SEMA6D: variants seen among roughly 807,000 people sequenced by gnomAD.
SEMA6D encodes the protein semaphorin-6D.
A neutral mutation model predicts 106.6 loss-of-function variants in SEMA6D; 35 were observed. The ratio of observed to expected loss-of-function variants is 0.33; its 90% CI spans 0.25 to 0.44. SEMA6D has a LOEUF of 0.44. SEMA6D is among the 20% of genes least tolerant of loss of function. The pLI, the probability that SEMA6D is intolerant of heterozygous loss-of-function variation, is 1.00. For synonymous variants in SEMA6D, 499 were observed against 487.7 expected (o/e 1.02, Z -0.31); for missense variants, 1,185 against 1,345.9 (o/e 0.88, Z 1.87).
chr15:47,541,790 C>T (rs968357360), intron 3 of SEMA6D, among the ~76,000 whole-genome samples: 3 of 152,100 alleles, frequency 2.0e-5, no homozygotes, highest in African/African-American at 7.2e-5. Flanking sequence ...AAAAGAGCTG[C>T]CAAGATTACA....
At chr15:47,566,752 T>A (rs957557920) in intron 3 of SEMA6D, among the ~76,000 whole-genome samples, 8 of 152,160 alleles carry the variant, frequency 5.3e-5, no homozygotes, top group African/African-American at 1.9e-4. Context: ...GCTCCTGAAA[T>A]TGTTATGAGA....
At chr15:47,295,823 G>T (rs571739559) in intron 1 of SEMA6D, among the ~76,000 whole-genome samples, 12 of 152,182 alleles carry the variant, frequency 7.9e-5, no homozygotes, top group Non-Finnish European at 1.8e-4. Context: ...AGAAGAGCTT[G>T]TTTCTCCTGA....
intron 1 of SEMA6D, among the ~76,000 whole-genome samples, chr15:47,195,116 T>G (rs145555747): frequency 1.8e-3 from 278 of 152,066 alleles, no homozygotes; most frequent in African/African-American, 6.5e-3. Flanking sequence ...CTTAAAAACT[T>G]GTTTAATATT....
intron 1 of SEMA6D, among the ~76,000 whole-genome samples, chr15:47,317,577 A>G (rs1230715221): frequency 6.6e-6 from 1 of 152,042 alleles, no homozygotes; most frequent in East Asian, 1.9e-4. Flanking sequence ...ATTTTTGTTT[A>G]AGTTTTTATT....
chr15:47,324,130 A>C (rs1245686445), intron 1 of SEMA6D, among the ~76,000 whole-genome samples: 2 of 152,138 alleles, frequency 1.3e-5, no homozygotes, highest in Admixed American at 6.5e-5. Flanking sequence ...TGTTGAGTAC[A>C]TAGACTAGAG....
chr15:47,582,796 A>G (rs183958953), intron 3 of SEMA6D, among the ~76,000 whole-genome samples: 9 of 152,318 alleles, frequency 5.9e-5, no homozygotes, highest in Admixed American at 5.9e-4. Context: ...GGGCAGCGCA[A>G]GATCCATAAG....
intron 4 of SEMA6D, among the ~76,000 whole-genome samples, chr15:47,653,598 A>T (rs2145018908): frequency 6.6e-6 from 1 of 152,360 alleles, no homozygotes; most frequent in East Asian, 1.9e-4. Context: ...GCCATTGCAA[A>T]GCTTTGCCTA....
chr15:47,552,826 A>AAT (rs2045759826), intron 3 of SEMA6D, among the ~76,000 whole-genome samples: 1 of 51,576 alleles, frequency 1.9e-5, no homozygotes, highest in Non-Finnish European at 3.0e-5. Context: ...AAATATATAT[A>AAT]TTTTTATATA....
intron 1 of SEMA6D, chr15:47,718,489 G>A (rs533103220): frequency 3.3e-4 from 51 of 152,306 alleles, no homozygotes; most frequent in African/African-American, 1.1e-3. Flanking sequence ...GGCCCGGAGG[G>A]CGGCCGCTTC....
intron 3 of SEMA6D, among the ~76,000 whole-genome samples, chr15:47,482,487 C>T (rs2043179938): frequency 6.6e-6 from 1 of 152,068 alleles, no homozygotes. Flanking sequence ...GTAGGCAAGC[C>T]TCATGATACC....
At chr15:47,733,553 ACTCT>A (rs1470451975) in intron 1 of SEMA6D, among the ~76,000 whole-genome samples, 1 of 151,952 alleles carries the variant, frequency 6.6e-6, no homozygotes. Flanking sequence ...TTGCTTCGCT[ACTCT>A]CTCTATATTC....
chr15:47,248,924 A>G (rs1297150901), intron 1 of SEMA6D, among the ~76,000 whole-genome samples: 1 of 152,172 alleles, frequency 6.6e-6, no homozygotes, highest in Non-Finnish European at 1.5e-5. Context: ...CAAGTTCTGA[A>G]GCTTCAGTTA....
intron 3 of SEMA6D, among the ~76,000 whole-genome samples, chr15:47,594,642 A>C (rs2076502525): frequency 6.6e-6 from 1 of 152,238 alleles, no homozygotes; most frequent in South Asian, 2.1e-4. Context: ...AGTAAGTGGC[A>C]GTACCTGCTT....
intron 1 of SEMA6D, among the ~76,000 whole-genome samples, chr15:47,253,172 T>C (rs1205525441): frequency 6.6e-6 from 1 of 152,174 alleles, no homozygotes; most frequent in African/African-American, 2.4e-5. Context: ...TACCTAATGA[T>C]TAGTGATTTA....
chr15:47,407,913 G>T (rs556301854), intron 1 of SEMA6D, among the ~76,000 whole-genome samples: 2 of 152,132 alleles, frequency 1.3e-5, no homozygotes, highest in African/African-American at 4.8e-5. Context: ...CCTCCTTTCT[G>T]CACCTTGGTG....
At chr15:47,470,463 A>G (rs143983785) in intron 2 of SEMA6D, 53 of 149,992 alleles carry the variant, frequency 3.5e-4, no homozygotes, top group African/African-American at 1.3e-3. Context: ...TTTTTTTTCT[A>G]TTTACTGTAG....
intron 4 of SEMA6D, among the ~76,000 whole-genome samples, chr15:47,669,011 T>A (rs2078087573): frequency 6.6e-6 from 1 of 152,228 alleles, no homozygotes; most frequent in African/African-American, 2.4e-5. Context: ...AACACCCATA[T>A]AGATTCACTA....
intron 2 of SEMA6D, among the ~76,000 whole-genome samples, chr15:47,435,586 C>T (rs943386613): frequency 6.6e-6 from 1 of 152,060 alleles, no homozygotes; most frequent in Admixed American, 6.6e-5. Flanking sequence ...TTGAAATGCT[C>T]CAGCTCAGTG....
In SEMA6D at chr15:47,219,168, C is replaced by T. The variant is rs190998053; in HGVS notation, c.-239+34750C>T. Among the ~76,000 whole-genome samples, 223 of 152,094 alleles carry T rather than the reference C, an allele frequency of 1.5e-3. 2 individuals are homozygous for T. The highest frequency in any genetic ancestry group is 2.8e-3 in the Non-Finnish European group (189 of 67,950). On this transcript the variant is annotated intron_variant, in intron 1 of 19. Transcript: ENST00000558014. ...CCATCTTATAGAAGAATACCTTTTTCGTTGTCAAGATTCATTATTGTTTGG... is the reference window on the plus strand; with the variant it reads ...CCATCTTATAGAAGAATACCTTTTTTGTTGTCAAGATTCATTATTGTTTGG...
Sources: gnomAD v4.1 joint callset for allele counts (sites outside exome capture counted in the v4.1 genomes callset) on GRCh38, gnomAD v4.1.1 for gene constraint, MANE v1.5 for transcripts, NCBI Gene and HGNC (gene_info 2026-07-23, HGNC 2026-07-21) for gene names.